Variants in TMEM201 observed in about 807,000 individuals in gnomAD.
TMEM201 encodes the protein transmembrane protein 201.
A neutral mutation model predicts 63.4 loss-of-function variants in TMEM201; 26 were observed. That is an observed-to-expected ratio of 0.41 (90% CI 0.30 to 0.57). The LOEUF is 0.57. TMEM201 is among the 20% of genes least tolerant of loss of function. The pLI is 0.29. For synonymous variants in TMEM201, 417 were observed against 421.6 expected, an observed-to-expected ratio of 0.99 and a Z score of 0.14; for missense variants, 794 against 917.7, an observed-to-expected ratio of 0.87 and a Z score of 1.74.
chr1:9,602,011 G>A, intron 5 of TMEM201, 58 bp from the exon 6 acceptor site: 2 of 1,569,954 alleles, frequency 1.3e-6, no homozygotes, highest in South Asian at 2.3e-5. Context: ...CAGGAAGGAA[G>A]GCGTGGACCC....
intron 4 of TMEM201, 110 bp downstream of exon 4, chr1:9,598,735 C>T: frequency 1.9e-6 from 2 of 1,056,604 alleles, no homozygotes; most frequent in Non-Finnish European, 2.6e-6. Context: ...GAGCTGAGCC[C>T]CTTTATTTTT....
chr1:9,610,415 A>T lies in TMEM201; in HGVS notation c.1466-91A>T. Reference sequence around the variant, plus strand: ...TGCACCTTTCCTGTCTTCCCGGGTTAATAGAAGAATGCCCCCAGAAATGAA... The same window carrying T: ...TGCACCTTTCCTGTCTTCCCGGGTTTATAGAAGAATGCCCCCAGAAATGAA... On this transcript the variant is annotated intron_variant, in intron 8 of 10. Transcript: ENST00000340381. This position sits in a 1 kb window ranked among gnomAD's most constrained non-coding sequence, Gnocchi z 4.9. The T allele has an allele frequency of 1.6e-6, 2 of 1,260,606 alleles. No homozygotes were observed. The highest frequency in any genetic ancestry group is 2.1e-6 in the Non-Finnish European group (2 of 935,294). 78.1% of individuals were successfully genotyped at this position (1,260,606 alleles called of 1,614,324 possible).
intron 10 of TMEM201, 103 bp downstream of exon 10, chr1:9,611,993 C>T: frequency 1.5e-6 from 2 of 1,350,202 alleles, no homozygotes; most frequent in Non-Finnish European, 2.0e-6. Context: ...TCTTCCAGGA[C>T]ATTGCAGTCC....
At chr1:9,592,466 CA>C (rs1440972555) in intron 1 of TMEM201, among the ~76,000 whole-genome samples, 1 of 152,188 alleles carries the variant, frequency 6.6e-6, no homozygotes, top group African/African-American at 2.4e-5. Flanking sequence ...CTGCTACAAC[CA>C]CTGAGCTCCC....
At chr1:9,609,095 C>G (rs1008756920) in intron 7 of TMEM201, among the ~76,000 whole-genome samples, 1 of 152,236 alleles carries the variant, frequency 6.6e-6, no homozygotes, top group Non-Finnish European at 1.5e-5. Flanking sequence ...CTGTGTCCTG[C>G]AGCCCATGCC....
intron 10 of TMEM201, among the ~76,000 whole-genome samples, chr1:9,612,095 G>A (rs1365071554): frequency 6.6e-6 from 1 of 152,232 alleles, no homozygotes; most frequent in Non-Finnish European, 1.5e-5. Context: ...TTTGGGCCCC[G>A]ATCTGCACTA....
At chr1:9,590,398 G>A (rs777206813) in intron 1 of TMEM201, among the ~76,000 whole-genome samples, 3 of 152,206 alleles carry the variant, frequency 2.0e-5, no homozygotes, top group South Asian at 2.1e-4. Context: ...CCCAGGATGG[G>A]GGGTGTTGCC....
Position 9,603,451 on chromosome 1 carries a change from C to T in TMEM201, c.1160+1179C>T, listed in dbSNP as rs911630091. 4.1e-6 allele frequency: 4 copies of T among 985,310 alleles called. No individual in the cohort carries two copies. The highest frequency in any genetic ancestry group is 4.7e-5 in the South Asian group (1 of 21,290). 61.0% of individuals were successfully genotyped at this position (985,310 alleles called of 1,614,324 possible). On this transcript the variant is annotated intron_variant, in intron 6 of 10. Coordinates refer to ENST00000340381, the MANE Select transcript of TMEM201 (RefSeq NM_001130924.3). This position sits in a 1 kb window ranked among gnomAD's most constrained non-coding sequence, Gnocchi z 4.5. ...GTCCCAGTCGAGAGTGGCCCGAGGC[C>T]GTCCCTCACCGGGCATGTTCCCTCT...
chr1:9,590,910 G>A lies in TMEM201; in HGVS notation c.113+1867G>A, dbSNP rs79517672. On this transcript the variant is annotated intron_variant, in intron 1 of 10. Coordinates refer to ENST00000340381, the MANE Select transcript of TMEM201 (RefSeq NM_001130924.3). ...AAGCATTGACTCTGGCTGCAGTGTA[G>A]GTTTTGAATGACCCTCGGGAGGGCA... Among the ~76,000 whole-genome samples the A allele has an allele frequency of 3.2e-3, 484 of 152,336 alleles. 28 individuals carry two copies. The East Asian group carries it at 0.081, about 26-fold the overall frequency.
At position 9,607,890 on chromosome 1, in the gene TMEM201, G is replaced by A. The variant is rs1644270357; in HGVS notation, c.1393+101G>A. The A allele has an allele frequency of 8.7e-7, 1 of 1,143,300 alleles. No homozygotes were observed. The highest frequency in any genetic ancestry group is 1.5e-5 in the African/African-American group (1 of 64,938). The allele number at this position is 1,143,300 out of a possible 1,614,324, so 70.8% of individuals were successfully genotyped here. On this transcript the variant is annotated intron_variant, in intron 7 of 10. Transcript: ENST00000340381. The surrounding 1 kb of genome is among the most constrained non-coding windows in gnomAD (Gnocchi z 5.4). ...GTAGGGAGGGCCGGGAGTGGTTAGT[G>A]TTCCTGCTGCAGAGACAGGCAGCAC...
intron 3 of TMEM201, among the ~76,000 whole-genome samples, chr1:9,597,669 A>C (rs1486161963): frequency 6.6e-6 from 1 of 152,144 alleles, no homozygotes; most frequent in Admixed American, 6.5e-5. Flanking sequence ...TGTCACCTCA[A>C]GAGGCAGGTC....
At position 9,605,637 on chromosome 1, in the gene TMEM201, T is replaced by TGAGG. The variant is rs1644229149; in HGVS notation, c.1161-1916_1161-1913dup. Among the ~76,000 whole-genome samples, 1 of 152,190 alleles carries TGAGG rather than the reference T, an allele frequency of 6.6e-6. No homozygotes were observed. The highest frequency in any genetic ancestry group is 2.4e-5 in the African/African-American group (1 of 41,454). ...TGAGTGATGTTCCCACATATCACAG[T>TGAGG]GAGGGAGTCAAACTGCGAAGGAACT... On this transcript the variant is annotated intron_variant, in intron 6 of 10. Coordinates refer to ENST00000340381, the MANE Select transcript of TMEM201 (RefSeq NM_001130924.3). This position sits in a 1 kb window ranked among gnomAD's most constrained non-coding sequence, Gnocchi z 5.7.
chr1:9,602,546 C>T (rs1337697141), intron 6 of TMEM201: 22 of 1,364,152 alleles, frequency 1.6e-5, no homozygotes, highest in Non-Finnish European at 2.0e-5. Context: ...GGCCCTTTCA[C>T]TGGCCTGGTG....
intron 6 of TMEM201, 114 bp downstream of exon 6, chr1:9,602,386 C>T (rs1221001144): frequency 1.3e-6 from 2 of 1,489,856 alleles, no homozygotes; most frequent in East Asian, 2.5e-5. Context: ...TGCTCACGCC[C>T]TCCCACCCCC....
chr1:9,599,502 G>A (rs1240922877), intron 4 of TMEM201, among the ~76,000 whole-genome samples: 9 of 151,064 alleles, frequency 6.0e-5, no homozygotes, highest in Non-Finnish European at 1.3e-4. Flanking sequence ...TGATCCACCC[G>A]CCTTGGCCTC....
At chr1:9,591,533 C>T (rs976889941) in intron 1 of TMEM201, among the ~76,000 whole-genome samples, 5 of 152,254 alleles carry the variant, frequency 3.3e-5, no homozygotes, top group Admixed American at 1.3e-4. Flanking sequence ...GTCCCCTGGA[C>T]GCTGCTGCTC....
rs899151117 is a variant in TMEM201 at position 9,613,849 on chromosome 1, A to G, written c.*766A>G. 3.9e-5 allele frequency: 6 copies of G among 152,316 alleles called. No individual in the cohort carries two copies. The highest frequency in any genetic ancestry group is 1.2e-4 in the African/African-American group (5 of 41,428). 9.4% of individuals were successfully genotyped at this position (152,316 alleles called of 1,614,324 possible). ...TGCACGTCTGGTCCTTCAGCTGCAC[A>G]TGGAACTGCAGGGCAGGCTGGCGGG... On this transcript the variant is annotated 3_prime_UTR_variant, in exon 11 of 11. Transcript: ENST00000340381.
chr1:9,599,457 G>A (rs539705806), intron 4 of TMEM201, among the ~76,000 whole-genome samples: 34 of 151,796 alleles, frequency 2.2e-4, no homozygotes, highest in African/African-American at 7.7e-4. Flanking sequence ...CTGTTGCTCA[G>A]GCTGGTCTTG....
At chr1:9,590,819 C>T (rs1015336193) in intron 1 of TMEM201, among the ~76,000 whole-genome samples, 1 of 152,208 alleles carries the variant, frequency 6.6e-6, no homozygotes, top group East Asian at 1.9e-4. Context: ...GATTCAGAAG[C>T]CAGACCAACC....
Sources: allele counts gnomAD v4.1 joint callset (sites outside exome capture counted in the v4.1 genomes callset), GRCh38; gene constraint gnomAD v4.1.1; non-coding constraint Gnocchi (gnomAD v3.1); transcripts MANE v1.5; gene names NCBI Gene and HGNC (gene_info 2026-07-23, HGNC 2026-07-21).